Variants in RAB11B observed in about 807,000 individuals in gnomAD.
The protein encoded by RAB11B is ras-related protein Rab-11B.
Under a neutral mutation model 23.7 loss-of-function variants are expected in RAB11B, and 7 were observed. The observed-to-expected ratio is 0.29, with a 90% CI of 0.17 to 0.55. The LOEUF (loss-of-function observed/expected upper bound fraction) is 0.55. RAB11B is among the 20% of genes least tolerant of loss of function. The pLI, the probability that RAB11B is intolerant of heterozygous loss-of-function variation, is 0.93. For missense variants in RAB11B, 189 were observed against 320.0 expected, an observed-to-expected ratio of 0.59 and a Z score of 3.12; for synonymous variants, 138 against 132.0, an observed-to-expected ratio of 1.05 and a Z score of -0.31.
chr19:8,403,470 C>T lies in RAB11B; in HGVS notation c.569C>T (p.Ser190Phe). 2 of 1,613,758 alleles carry T rather than the reference C, an allele frequency of 1.2e-6. No individual in the cohort carries two copies. Among genetic ancestry groups the T allele is most frequent in the East Asian group, 4.5e-5 (2 of 44,870 alleles). Residue 190 changes from serine (S) to phenylalanine (F), a missense_variant, in exon 5 of 5, where the codon TCC becomes TTC. Ser to Phe is a radical substitution (Grantham distance 155, BLOSUM62 -2). Transcript: ENST00000328024. Reference sequence around the variant, plus strand: ...GCAGACCGCGCTGCCCACGACGAGTCCCCGGGGAACAACGTGGTGGACATC... The same window carrying T: ...GCAGACCGCGCTGCCCACGACGAGTTCCCGGGGAACAACGTGGTGGACATC... ...QIADRAAHDE[S>F]PGNNVVDISV...
intron 1 of RAB11B, among the ~76,000 whole-genome samples, chr19:8,392,573 C>T (rs1030012302): frequency 5.3e-5 from 8 of 152,100 alleles, no homozygotes; most frequent in Admixed American, 2.0e-4. Flanking sequence ...AAATCTAACC[C>T]ACAAGTTCAG....
chr19:8,399,483 C>T (rs374303679), intron 1 of RAB11B, among the ~76,000 whole-genome samples: 13 of 152,166 alleles, frequency 8.5e-5, no homozygotes, highest in Non-Finnish European at 1.3e-4. Context: ...AAGGTCACCC[C>T]GCTCAGGAGC....
In RAB11B at chr19:8,396,723, G is replaced by A. The variant is rs1971399913; in HGVS notation, c.41-3140G>A. Among the ~76,000 whole-genome samples, 4 of 139,806 alleles carry A rather than the reference G, an allele frequency of 2.9e-5. No individual in the cohort carries two copies. Among genetic ancestry groups the A allele is most frequent in the Admixed American group, 1.4e-4 (2 of 13,956 alleles). 91.7% of individuals were successfully genotyped at this position (139,806 alleles called of 152,430 possible). A position where few individuals can be genotyped will look rare whatever the true frequency, so the allele number is the denominator to read the frequency against. On this transcript the variant is annotated intron_variant, in intron 1 of 4. Transcript: ENST00000328024. The surrounding 1 kb of genome is among the most constrained non-coding windows in gnomAD (Gnocchi z 5.0). Reference sequence around the variant, plus strand: ...GCAGAGTGAGCCGGGGGGGGGGCGGGAGGGAGGAGGGGAGGGCCCTGTGGG... The same window carrying A: ...GCAGAGTGAGCCGGGGGGGGGGCGGAAGGGAGGAGGGGAGGGCCCTGTGGG...
chr19:8,396,561 G>C lies in RAB11B; in HGVS notation c.41-3302G>C, dbSNP rs144929152. On this transcript the variant is annotated intron_variant, in intron 1 of 4. Transcript: ENST00000328024. The surrounding 1 kb of genome is among the most constrained non-coding windows in gnomAD (Gnocchi z 5.0). ...CCAAGTGGCATTTAAGGGGCCACAC[G>C]AAGGGGATGAGGGAGGGAGCCAGGT... 6.6e-6 allele frequency among the ~76,000 whole-genome samples: 1 copy of C among 152,190 alleles called. No homozygotes were observed. The highest frequency in any genetic ancestry group is 1.5e-5 in the Non-Finnish European group (1 of 68,028).
chr19:8,396,445 G>T lies in RAB11B; in HGVS notation c.41-3418G>T, dbSNP rs1971396954. 1.3e-5 allele frequency among the ~76,000 whole-genome samples: 2 copies of T among 152,230 alleles called. No homozygotes were observed. The highest frequency in any genetic ancestry group is 4.1e-4 in the South Asian group (2 of 4,838). On this transcript the variant is annotated intron_variant, in intron 1 of 4. Coordinates refer to ENST00000328024, the MANE Select transcript of RAB11B (RefSeq NM_004218.4). The surrounding 1 kb of genome is among the most constrained non-coding windows in gnomAD (Gnocchi z 5.0). ...TAAATGCCACCTGACAGGTGAGAGAGTGGCAAGAGTGACGGAGGAAGAACT... is the reference window on the plus strand; with the variant it reads ...TAAATGCCACCTGACAGGTGAGAGATTGGCAAGAGTGACGGAGGAAGAACT...
chr19:8,391,167 C>T (rs892926668), intron 1 of RAB11B, among the ~76,000 whole-genome samples: 2 of 152,226 alleles, frequency 1.3e-5, no homozygotes, highest in Admixed American at 6.5e-5. Flanking sequence ...TAACTAAAAT[C>T]CTCACTGCAG....
chr19:8,393,428 C>T (rs1599684704), intron 1 of RAB11B, among the ~76,000 whole-genome samples: 2 of 152,178 alleles, frequency 1.3e-5, no homozygotes, highest in South Asian at 2.1e-4. Context: ...GGGTCTTGTC[C>T]ACCCCTCCCC....
At chr19:8,403,392 C>T (rs1404590757) in intron 4 of RAB11B, 21 bp from the exon 5 acceptor site, 7 of 1,596,072 alleles carry the variant, frequency 4.4e-6, no homozygotes, top group Admixed American at 3.4e-5. Context: ...CACCCCACGT[C>T]CCCCTGTACC....
intron 4 of RAB11B, chr19:8,403,033 C>G: frequency 3.0e-6 from 1 of 334,212 alleles, no homozygotes; most frequent in East Asian, 6.3e-5. Context: ...GGACACTTCA[C>G]AGGGTCAGAC....
At chr19:8,393,776 G>T (rs1971376327) in intron 1 of RAB11B, among the ~76,000 whole-genome samples, 1 of 152,140 alleles carries the variant, frequency 6.6e-6, no homozygotes, top group South Asian at 2.1e-4. Flanking sequence ...CGGAATGGGG[G>T]CACCATTCCC....
Position 8,403,753 on chromosome 19 carries a change from C to T in RAB11B, c.*195C>T, listed in dbSNP as rs902773322. 9.1e-5 allele frequency: 68 copies of T among 748,616 alleles called. No homozygotes were observed. The highest frequency in any genetic ancestry group is 5.2e-4 in the Admixed American group (15 of 28,664). 46.4% of individuals were successfully genotyped at this position (748,616 alleles called of 1,614,324 possible). ...CTGCCCGGGGAAAAGCTAGAAGCCC[C>T]GGTTTGCTGCACCCATGAAACTCGG... is the stretch of plus-strand genomic sequence containing the variant. On this transcript the variant is annotated 3_prime_UTR_variant, in exon 5 of 5. Transcript: ENST00000328024.
rs1971395374 is a variant in RAB11B at position 8,396,195 on chromosome 19, C to T, written c.41-3668C>T. ...TCCAAGCAGCCAACCAGAGCGGGTACCAGGTGGGGTTGTAGGGGCTGCCTG... is the reference window on the plus strand; with the variant it reads ...TCCAAGCAGCCAACCAGAGCGGGTATCAGGTGGGGTTGTAGGGGCTGCCTG... On this transcript the variant is annotated intron_variant, in intron 1 of 4. Coordinates refer to ENST00000328024, the MANE Select transcript of RAB11B (RefSeq NM_004218.4). This position sits in a 1 kb window ranked among gnomAD's most constrained non-coding sequence, Gnocchi z 5.0. Among the ~76,000 whole-genome samples, 1 of 152,188 alleles carries T rather than the reference C, an allele frequency of 6.6e-6. No homozygotes were observed. The highest frequency in any genetic ancestry group is 2.1e-4 in the South Asian group (1 of 4,832).
Position 8,400,059 on chromosome 19 carries a change from G to T in RAB11B, c.236+1G>T. 6.2e-7 allele frequency: 1 copy of T among 1,607,820 alleles called. No homozygotes were observed. The highest frequency in any genetic ancestry group is 2.2e-5 in the East Asian group (1 of 44,628). On this transcript the variant is annotated splice_donor_variant, in intron 2 of 4. Coordinates refer to ENST00000328024, the MANE Select transcript of RAB11B (RefSeq NM_004218.4). LOFTEE classifies it high-confidence loss of function. ...AGCGCTACCGCGCCATCACCTCCGC[G>T]TGCGTGTCGGCAGCCTGGGCAGGGA... is the stretch of plus-strand genomic sequence containing the variant.
In RAB11B at chr19:8,399,926, A is replaced by T; in HGVS notation, c.104A>T (p.Glu35Val). ...SNLLSRFTRN[E>V]FNLESKSTIG... ...CTGCTGTCGCGCTTCACCCGCAACGAGTTCAACCTGGAGAGCAAGAGCACC... is the reference window on the plus strand; with the variant it reads ...CTGCTGTCGCGCTTCACCCGCAACGTGTTCAACCTGGAGAGCAAGAGCACC... Residue 35 changes from glutamate to valine, a missense_variant, in exon 2 of 5, where the codon GAG (glutamate) becomes GTG (valine). Physicochemically the swap from Glu to Val is moderately radical, Grantham distance 121. Around this residue, in one of 5 missense-constraint regions of RAB11B, gnomAD observed 28 missense variants for 43.1 expected, o/e 0.65. Coordinates refer to ENST00000328024, the MANE Select transcript of RAB11B (RefSeq NM_004218.4). 1 of 1,614,174 alleles carries T rather than the reference A, an allele frequency of 6.2e-7. No individual in the cohort carries two copies.
Position 8,403,590 on chromosome 19 carries a change from T to A in RAB11B, c.*32T>A, listed in dbSNP as rs538572417. On this transcript the variant is annotated 3_prime_UTR_variant, in exon 5 of 5. Coordinates refer to ENST00000328024, the MANE Select transcript of RAB11B (RefSeq NM_004218.4). ...CGCCTCCACCCAGCGTGCGTGCACG[T>A]CCTCCGCCCGCCCCCGCCACGGTAT... 2.4e-3 allele frequency: 3,806 copies of A among 1,585,896 alleles called. 7 individuals carry two copies. Among genetic ancestry groups the A allele is most frequent in the Admixed American group, 3.0e-3 (175 of 58,916 alleles).
In RAB11B at chr19:8,390,449, A is replaced by G. The variant is rs373274971; in HGVS notation, c.33A>G (p.Leu11=). The change falls in exon 1 of 5, where the codon CTA becomes CTG. Residue 11 remains leucine (L), a synonymous_variant. Transcript: ENST00000328024. ...CCCGGGACGACGAGTACGACTACCT[A>G]TTCAAAGGTGCGGCCGGTGGGGCAC... The part of the protein sequence containing the change: MGTRDDEYDY[L]FKVVLIGDSG... 1.5e-5 allele frequency: 23 copies of G among 1,513,106 alleles called. No homozygotes were observed. The highest frequency in any genetic ancestry group is 2.0e-5 in the Non-Finnish European group (23 of 1,135,082). The allele number at this position is 1,513,106 out of a possible 1,614,324, so 93.7% of individuals were successfully genotyped here.
rs1036295898 is a variant in RAB11B at position 8,396,546 on chromosome 19, T to C, written c.41-3317T>C. Among the ~76,000 whole-genome samples, 7 of 151,952 alleles carry C rather than the reference T, an allele frequency of 4.6e-5. No individual in the cohort carries two copies. Among genetic ancestry groups the C allele is most frequent in the Non-Finnish European group, 1.0e-4 (7 of 67,988 alleles). On this transcript the variant is annotated intron_variant, in intron 1 of 4. Coordinates refer to ENST00000328024, the MANE Select transcript of RAB11B (RefSeq NM_004218.4). The surrounding 1 kb of genome is among the most constrained non-coding windows in gnomAD (Gnocchi z 5.0). ...GGAGGGCCTTCTTGGCCAAGTGGCATTTAAGGGGCCACACGAAGGGGATGA... is the reference window on the plus strand; with the variant it reads ...GGAGGGCCTTCTTGGCCAAGTGGCACTTAAGGGGCCACACGAAGGGGATGA...
chr19:8,402,723 C>G, intron 4 of RAB11B, 158 bp downstream of exon 4: 1 of 631,466 alleles, frequency 1.6e-6, no homozygotes, highest in South Asian at 2.0e-5. Flanking sequence ...AGTGTGGTGG[C>G]TCGATCTCAG....
intron 1 of RAB11B, among the ~76,000 whole-genome samples, chr19:8,394,668 C>T (rs542708442): frequency 2.0e-5 from 3 of 152,278 alleles, no homozygotes; most frequent in Non-Finnish European, 2.9e-5. Context: ...CCATGGCTCA[C>T]GCCTGGAATC....
Sources: allele counts gnomAD v4.1 joint callset (sites outside exome capture counted in the v4.1 genomes callset), GRCh38; gene constraint gnomAD v4.1.1; regional missense constraint gnomAD v4.1.1; non-coding constraint Gnocchi (gnomAD v3.1); transcripts MANE v1.5; gene names NCBI Gene and HGNC (gene_info 2026-07-23, HGNC 2026-07-21).